The following CPA6 variants were observed in gnomAD, a reference collection of about 807,000 sequenced individuals.
CPA6 encodes the protein carboxypeptidase B.
A neutral mutation model predicts 63.3 loss-of-function variants in CPA6; 58 were observed. The ratio of observed to expected loss-of-function variants is 0.92; its 90% CI spans 0.74 to 1.14. The LOEUF (loss-of-function observed/expected upper bound fraction) is 1.14. Among genes scored for constraint, CPA6 ranks in the 50% most tolerant of loss-of-function variants. The pLI, the probability that CPA6 is intolerant of heterozygous loss-of-function variation, is 0.00. For missense variants in CPA6, 565 were observed against 526.6 expected, an observed-to-expected ratio of 1.07 and a Z score of -0.71; for synonymous variants, 185 against 179.0, an observed-to-expected ratio of 1.03 and a Z score of -0.27.
At chr8:67,475,675 C>T (rs1278371150) in intron 8 of CPA6, among the ~76,000 whole-genome samples, 4 of 152,150 alleles carry the variant, frequency 2.6e-5, no homozygotes, top group African/African-American at 4.8e-5. Context: ...ACCTGGCAGT[C>T]TCAGAGCAGG....
intron 8 of CPA6, among the ~76,000 whole-genome samples, chr8:67,461,449 C>T (rs1212147995): frequency 6.6e-6 from 1 of 150,976 alleles, no homozygotes; most frequent in Non-Finnish European, 1.5e-5. Context: ...GAAAAGTCTC[C>T]CATGTCTACT....
At chr8:67,603,680 G>A (rs112571748) in intron 2 of CPA6, among the ~76,000 whole-genome samples, 19 of 152,270 alleles carry the variant, frequency 1.2e-4, no homozygotes, top group Non-Finnish European at 2.2e-4. Flanking sequence ...TATTTCGTAA[G>A]ATAGTCTGAA....
chr8:67,422,512 A>G lies in CPA6; in HGVS notation c.1306T>C (p.Cys436Arg). ...KNITMHLLKK[C>R]P ...CTGAGCCTTGGGCTGTCTCAGGGAC[A>G]TTTCTTTAGCAGGTGCATTGTGATA... The change falls in exon 11 of 11, where the codon TGT becomes CGT. Residue 436 changes from cysteine (C) to arginine (R), a missense_variant. Coordinates refer to ENST00000297770, the MANE Select transcript of CPA6 (RefSeq NM_020361.5). 1.2e-6 allele frequency: 2 copies of G among 1,613,922 alleles called. No individual in the cohort carries two copies. Among genetic ancestry groups the G allele is most frequent in the Non-Finnish European group, 1.7e-6 (2 of 1,179,852 alleles).
intron 1 of CPA6, among the ~76,000 whole-genome samples, chr8:67,737,225 C>T (rs1031251820): frequency 6.6e-6 from 1 of 152,112 alleles, no homozygotes; most frequent in African/African-American, 2.4e-5. Context: ...GAGAAAGATG[C>T]CTTCTGTTAT....
chr8:67,478,997 G>C (rs976553280), intron 8 of CPA6, among the ~76,000 whole-genome samples: 1 of 152,100 alleles, frequency 6.6e-6, no homozygotes, highest in African/African-American at 2.4e-5. Flanking sequence ...CTCTAGCCTG[G>C]GCGACAGAGC....
chr8:67,719,408 C>A (rs189264264), intron 1 of CPA6, among the ~76,000 whole-genome samples: 1 of 151,872 alleles, frequency 6.6e-6, no homozygotes, highest in East Asian at 1.9e-4. Context: ...CAGGACCACT[C>A]TGATCAGAAC....
At chr8:67,512,483 G>A (rs1458134015) in intron 3 of CPA6, among the ~76,000 whole-genome samples, 1 of 152,238 alleles carries the variant, frequency 6.6e-6, no homozygotes, top group Non-Finnish European at 1.5e-5. Context: ...GAATGCATTT[G>A]GAAATTAAAG....
intron 8 of CPA6, among the ~76,000 whole-genome samples, chr8:67,475,175 A>T (rs1343643230): frequency 6.6e-6 from 1 of 152,232 alleles, no homozygotes; most frequent in Non-Finnish European, 1.5e-5. Context: ...TTGTTGTGAC[A>T]TTGTTACTTG....
At chr8:67,557,887 G>C (rs1272864858) in intron 2 of CPA6, among the ~76,000 whole-genome samples, 2 of 152,110 alleles carry the variant, frequency 1.3e-5, no homozygotes, top group Non-Finnish European at 2.9e-5. Flanking sequence ...TTGTGTCATG[G>C]CTGAGACCCT....
rs565743051 is a variant in CPA6, at chr8:67,737,185, A to G, written c.116+8829T>C. On this transcript the variant is annotated intron_variant, in intron 1 of 10. Transcript: ENST00000297770. ...GTTATGGGACCTCACCTACCTCTGCAGCCTTCCCTCCCGCCTCCTGACTCC... is the reference window on the plus strand; with the variant it reads ...GTTATGGGACCTCACCTACCTCTGCGGCCTTCCCTCCCGCCTCCTGACTCC... 2.0e-5 allele frequency among the ~76,000 whole-genome samples: 3 copies of G among 152,306 alleles called. No homozygotes were observed. The South Asian group carries it at 6.2e-4, about 32-fold the overall frequency.
intron 1 of CPA6, among the ~76,000 whole-genome samples, chr8:67,715,742 G>A (rs1182258123): frequency 2.6e-5 from 4 of 152,242 alleles, no homozygotes; most frequent in Non-Finnish European, 5.9e-5. Flanking sequence ...GGCCATTAAC[G>A]TAACAAAATC....
intron 2 of CPA6, among the ~76,000 whole-genome samples, chr8:67,524,255 A>C (rs572761304): frequency 1.3e-5 from 2 of 152,158 alleles, no homozygotes; most frequent in South Asian, 2.1e-4. Context: ...TTCACAGTCC[A>C]TAACTTTTAA....
chr8:67,521,897 G>C (rs1489233217), intron 2 of CPA6, among the ~76,000 whole-genome samples: 1 of 152,174 alleles, frequency 6.6e-6, no homozygotes, highest in African/African-American at 2.4e-5. Flanking sequence ...ATTTTGGGAA[G>C]TTTCCTTAAC....
chr8:67,436,648 A>G (rs1810163036), intron 8 of CPA6, among the ~76,000 whole-genome samples: 1 of 152,182 alleles, frequency 6.6e-6, no homozygotes, highest in Admixed American at 6.5e-5. Context: ...TGAAATCTTC[A>G]AAACAAAATT....
At chr8:67,560,160 GATAT>G (rs6150633) in intron 2 of CPA6, among the ~76,000 whole-genome samples, 1 of 139,990 alleles carries the variant, frequency 7.1e-6, no homozygotes, top group African/African-American at 2.7e-5. Context: ...TGTATTTCCG[GATAT>G]ATATATATAT....
At chr8:67,677,660 G>A (rs1563389185) in intron 1 of CPA6, among the ~76,000 whole-genome samples, 2 of 152,182 alleles carry the variant, frequency 1.3e-5, no homozygotes, top group Admixed American at 6.5e-5. Context: ...ATAGATACAA[G>A]TGTAAAGATA....
intron 2 of CPA6, among the ~76,000 whole-genome samples, chr8:67,604,880 C>A (rs1479827947): frequency 6.6e-6 from 1 of 152,094 alleles, no homozygotes; most frequent in African/African-American, 2.4e-5. Context: ...CGGGTTCAAG[C>A]GATTTTCCCG....
chr8:67,637,450 T>C (rs1282751130), intron 1 of CPA6, among the ~76,000 whole-genome samples: 1 of 151,748 alleles, frequency 6.6e-6, no homozygotes, highest in Non-Finnish European at 1.5e-5. Flanking sequence ...TGCTATATAT[T>C]GTGTGAAATC....
chr8:67,727,044 A>G (rs753374968), intron 1 of CPA6, among the ~76,000 whole-genome samples: 43 of 152,328 alleles, frequency 2.8e-4, no homozygotes, highest in Non-Finnish European at 6.2e-4. Context: ...TTTTTTAAAA[A>G]TCTTTTTGAG....
Sources: gnomAD v4.1 joint callset for allele counts (sites outside exome capture counted in the v4.1 genomes callset) on GRCh38, gnomAD v4.1.1 for gene constraint, MANE v1.5 for transcripts, NCBI Gene and HGNC (gene_info 2026-07-23, HGNC 2026-07-21) for gene names.